GRIK2: variants seen among roughly 807,000 people sequenced by gnomAD.
GRIK2 encodes the protein glutamate ionotropic receptor kainate type subunit 2, also known as glutamate receptor ionotropic, kainate 2.
A neutral mutation model predicts 100.3 loss-of-function variants in GRIK2; 32 were observed. The observed-to-expected ratio is 0.32, with a 90% CI of 0.24 to 0.43. The LOEUF (loss-of-function observed/expected upper bound fraction) is 0.43. Among genes scored for constraint, GRIK2 ranks in the 20% least tolerant of loss-of-function variants. GRIK2 has a pLI of 1.00. For missense variants in GRIK2, 843 were observed against 1,114.9 expected, an observed-to-expected ratio of 0.76 and a Z score of 3.47; for synonymous variants, 417 against 389.4, an observed-to-expected ratio of 1.07 and a Z score of -0.83.
At chr6:101,476,449 G>C (rs183744122) in intron 2 of GRIK2, among the ~76,000 whole-genome samples, 7 of 152,126 alleles carry the variant, frequency 4.6e-5, no homozygotes, top group African/African-American at 1.7e-4. Context: ...CGGACAGCTA[G>C]CTGAGAACAA....
At chr6:101,822,511 A>G (rs1380715355) in intron 10 of GRIK2, among the ~76,000 whole-genome samples, 1 of 152,034 alleles carries the variant, frequency 6.6e-6, no homozygotes, top group Non-Finnish European at 1.5e-5. Context: ...TGTGGAATTG[A>G]AAGACCATTA....
intron 10 of GRIK2, among the ~76,000 whole-genome samples, chr6:101,844,744 T>C (rs1400229177): frequency 6.6e-6 from 1 of 152,186 alleles, no homozygotes; most frequent in Admixed American, 6.5e-5. Flanking sequence ...ATGACATGTC[T>C]CATTTTTTTC....
At chr6:101,805,729 T>G (rs1443012381) in intron 9 of GRIK2, among the ~76,000 whole-genome samples, 1 of 152,014 alleles carries the variant, frequency 6.6e-6, no homozygotes, top group Admixed American at 6.6e-5. Context: ...CAGTAATAAG[T>G]GCTGAAAAGA....
chr6:101,657,484 C>T (rs1769281101), intron 4 of GRIK2, among the ~76,000 whole-genome samples: 1 of 152,136 alleles, frequency 6.6e-6, no homozygotes, highest in South Asian at 2.1e-4. Flanking sequence ...CAGACTGATA[C>T]ATTGAGCCAA....
At chr6:102,040,707 T>C (rs1466333801) in intron 15 of GRIK2, among the ~76,000 whole-genome samples, 5 of 151,580 alleles carry the variant, frequency 3.3e-5, no homozygotes, top group Non-Finnish European at 7.4e-5. Flanking sequence ...CCCTGTTTTA[T>C]TCACCATCCA....
At chr6:101,759,851 TTTTTTTTA>T (rs1176844863) in intron 7 of GRIK2, among the ~76,000 whole-genome samples, 6 of 135,320 alleles carry the variant, frequency 4.4e-5, no homozygotes, top group Admixed American at 1.5e-4. Context: ...CAGCATTTTA[TTTTTTTTA>T]TTTTTTTATT....
chr6:101,723,856 T>C (rs1301508792), intron 7 of GRIK2, among the ~76,000 whole-genome samples: 1 of 152,062 alleles, frequency 6.6e-6, no homozygotes, highest in Non-Finnish European at 1.5e-5. Flanking sequence ...GAGGAAATTC[T>C]CAAAGATAAT....
At chr6:102,020,847 C>T (rs931626464) in intron 14 of GRIK2, among the ~76,000 whole-genome samples, 4 of 151,258 alleles carry the variant, frequency 2.6e-5, no homozygotes, top group South Asian at 2.1e-4. Flanking sequence ...AAGGATATTC[C>T]GAAGGAACAA....
At chr6:102,053,638 T>G (rs1771318800) in intron 15 of GRIK2, among the ~76,000 whole-genome samples, 1 of 152,202 alleles carries the variant, frequency 6.6e-6, no homozygotes, top group Non-Finnish European at 1.5e-5. Flanking sequence ...GTGATATTTT[T>G]GTTAATTTGT....
At chr6:101,708,631 C>T (rs1326485267) in intron 7 of GRIK2, among the ~76,000 whole-genome samples, 1 of 151,576 alleles carries the variant, frequency 6.6e-6, no homozygotes, top group Non-Finnish European at 1.5e-5. Context: ...ACTTAATAAA[C>T]AATTTTAAGA....
chr6:101,754,637 T>C (rs1284260328), intron 7 of GRIK2, among the ~76,000 whole-genome samples: 1 of 152,156 alleles, frequency 6.6e-6, no homozygotes, highest in African/African-American at 2.4e-5. Flanking sequence ...CCATAAAATG[T>C]GATGAGTGCT....
intron 10 of GRIK2, among the ~76,000 whole-genome samples, chr6:101,819,201 T>C (rs1781804032): frequency 1.3e-5 from 2 of 152,190 alleles, no homozygotes; most frequent in Admixed American, 1.3e-4. Context: ...TAGTCAGTAC[T>C]TTTCACCTAC....
chr6:101,533,213 G>A lies in GRIK2; in HGVS notation c.116-88736G>A, dbSNP rs1411003198. On this transcript the variant is annotated intron_variant, in intron 2 of 16. Coordinates refer to ENST00000369134, the MANE Select transcript of GRIK2 (RefSeq NM_021956.5). ...TTGACTTTTAGATCTCTTGTGCAGG[G>A]GATGCTCTTCCTATTTCCTTAAAAT... 2.0e-5 allele frequency among the ~76,000 whole-genome samples: 3 copies of A among 151,708 alleles called. No homozygotes were observed. The Admixed American group carries it at 2.0e-4, about 10-fold the overall frequency.
At chr6:101,879,704 C>A (rs1032582768) in intron 11 of GRIK2, among the ~76,000 whole-genome samples, 2 of 151,324 alleles carry the variant, frequency 1.3e-5, no homozygotes, top group African/African-American at 4.9e-5. Flanking sequence ...CCCATCCAAC[C>A]CCTGAGTTGG....
chr6:101,810,549 C>T (rs565500092), intron 9 of GRIK2, among the ~76,000 whole-genome samples: 1 of 152,148 alleles, frequency 6.6e-6, no homozygotes, highest in South Asian at 2.1e-4. Flanking sequence ...TGAAGGTCAG[C>T]CAATTTCCAG....
At chr6:101,927,292 G>A in intron 13 of GRIK2, 5 of 649,160 alleles carry the variant, frequency 7.7e-6, no homozygotes, top group Non-Finnish European at 9.6e-6. Flanking sequence ...TCCATCTAAA[G>A]ATGTGTTACC....
Position 101,987,666 on chromosome 6 carries a change from A to G in GRIK2, c.2086-47675A>G, listed in dbSNP as rs150625796. On this transcript the variant is annotated intron_variant, in intron 14 of 16. Coordinates refer to ENST00000369134, the MANE Select transcript of GRIK2 (RefSeq NM_021956.5). ...CAATAATATATAAGTATATAGTTATATTTAATTATATTAATCAATTTATGG... is the reference window on the plus strand; with the variant it reads ...CAATAATATATAAGTATATAGTTATGTTTAATTATATTAATCAATTTATGG... Among the ~76,000 whole-genome samples, 1,137 of 150,338 alleles carry G rather than the reference A, an allele frequency of 7.6e-3. 18 individuals are homozygous for G. The highest frequency in any genetic ancestry group is 0.012 in the Non-Finnish European group (796 of 67,526).
chr6:101,611,660 T>G (rs1779680767), intron 2 of GRIK2, among the ~76,000 whole-genome samples: 1 of 151,688 alleles, frequency 6.6e-6, no homozygotes, highest in African/African-American at 2.4e-5. Context: ...CTCAAATGAC[T>G]CAAAAGCAAG....
rs373608507 is a variant in GRIK2, at chr6:101,633,920, G to A, written c.541+7283G>A. On this transcript the variant is annotated intron_variant, in intron 4 of 16. Transcript: ENST00000369134. Reference sequence around the variant, plus strand: ...TGATAGATCTGGGTTTTGAAACTAGGCAGTCAACTTTAGAATCTACTCTGT... The same window carrying A: ...TGATAGATCTGGGTTTTGAAACTAGACAGTCAACTTTAGAATCTACTCTGT... 3.3e-5 allele frequency among the ~76,000 whole-genome samples: 5 copies of A among 152,104 alleles called. No homozygotes were observed. In the East Asian group the frequency reaches 5.8e-4, roughly 18 times the overall value.
Sources: gnomAD v4.1 joint callset for allele counts (sites outside exome capture counted in the v4.1 genomes callset) on GRCh38, gnomAD v4.1.1 for gene constraint, MANE v1.5 for transcripts, NCBI Gene and HGNC (gene_info 2026-07-23, HGNC 2026-07-21) for gene names.